Variants in BAZ1A observed in about 807,000 individuals in gnomAD.
The protein encoded by BAZ1A is bromodomain adjacent to zinc finger domain 1A, also known as bromodomain adjacent to zinc finger domain protein 1A.
Under a neutral mutation model 185.2 loss-of-function variants are expected in BAZ1A, and 50 were observed. The ratio of observed to expected loss-of-function variants is 0.27; its 90% CI spans 0.22 to 0.34. The LOEUF is 0.34. Ranked by LOEUF, BAZ1A falls within the 10% of genes least tolerant of loss-of-function variation. BAZ1A has a pLI of 1.00. For synonymous variants in BAZ1A, 571 were observed against 615.6 expected (o/e 0.93, Z 1.07); for missense variants, 1,356 against 1,839.9 (o/e 0.74, Z 4.81).
chr14:34,778,282 T>G (rs1879789196), intron 17 of BAZ1A, among the ~76,000 whole-genome samples: 1 of 152,166 alleles, frequency 6.6e-6, no homozygotes, highest in African/African-American at 2.4e-5. Context: ...AACATGAGAA[T>G]GGCAGCAAAA....
intron 3 of BAZ1A, among the ~76,000 whole-genome samples, chr14:34,858,511 T>G (rs2042718691): frequency 6.6e-6 from 1 of 152,034 alleles, no homozygotes; most frequent in African/African-American, 2.4e-5. Flanking sequence ...GATGGGGTTT[T>G]GCCATGTTGA....
chr14:34,795,844 G>A, intron 9 of BAZ1A, 79 bp from the exon 10 acceptor site: 1 of 1,087,770 alleles, frequency 9.2e-7, no homozygotes, highest in South Asian at 1.4e-5. Flanking sequence ...GAACTTGTTA[G>A]AAATGCAAAT....
In BAZ1A at chr14:34,851,261, A is replaced by G. The variant is rs1048361665; in HGVS notation, c.392+10783T>C. Among the ~76,000 whole-genome samples, 4 of 140,336 alleles carry G rather than the reference A, an allele frequency of 2.9e-5. No homozygotes were observed. In the East Asian group the frequency reaches 9.2e-4, roughly 32 times the overall value. The allele number at this position is 140,336 out of a possible 152,430, so 92.1% of individuals were successfully genotyped here. On this transcript the variant is annotated intron_variant, in intron 3 of 26. Coordinates refer to ENST00000360310, the MANE Select transcript of BAZ1A (RefSeq NM_013448.3). ...GGCACAATAATCGCTTAAACCCAGG[A>G]TATGGAGGTTGTGGTGAGCTGTGAT... is the stretch of plus-strand genomic sequence containing the variant.
At chr14:34,774,610 C>T (rs1428051920) in intron 18 of BAZ1A, 120 bp from the exon 19 acceptor site, 3 of 792,772 alleles carry the variant, frequency 3.8e-6, no homozygotes, top group African/African-American at 3.6e-5. Flanking sequence ...CCTCAAGTGC[C>T]ACAAATGAAT....
chr14:34,855,417 A>G (rs1489363699), intron 3 of BAZ1A, among the ~76,000 whole-genome samples: 2 of 152,168 alleles, frequency 1.3e-5, no homozygotes, highest in African/African-American at 4.8e-5. Context: ...TCAACCATAC[A>G]GCAGCACCAG....
intron 4 of BAZ1A, among the ~76,000 whole-genome samples, chr14:34,822,108 A>C (rs2042099005): frequency 6.6e-6 from 1 of 152,126 alleles, no homozygotes; most frequent in South Asian, 2.1e-4. Context: ...CAGCCTGTCC[A>C]ACATGGCAAA....
chr14:34,832,217 T>C (rs75071101), intron 3 of BAZ1A, among the ~76,000 whole-genome samples: 4,728 of 76,316 alleles, frequency 0.062, 352 homozygotes, highest in African/African-American at 0.17. Flanking sequence ...CACACACACA[T>C]ATATATATAT....
chr14:34,800,276 T>G lies in BAZ1A; in HGVS notation c.1076A>C (p.Glu359Ala). The G allele has an allele frequency of 6.9e-7, 1 of 1,450,282 alleles. No individual in the cohort carries two copies. The highest frequency in any genetic ancestry group is 1.3e-5 in the South Asian group (1 of 78,262). The allele number at this position is 1,450,282 out of a possible 1,614,324, so 89.8% of individuals were successfully genotyped here. ...REELKKIVEE[E>A]RLKKKEEKER... ...TTTTTCTTCTTTTTTCTTTAGTCTC[T>G]CTTCTTCAACAATTTTTTTCAATTC... Residue 359 changes from glutamate to alanine, a missense_variant, in exon 9 of 27, where the codon GAG becomes GCG. Transcript: ENST00000360310.
intron 2 of BAZ1A, among the ~76,000 whole-genome samples, chr14:34,871,789 T>C (rs1273475685): frequency 1.3e-5 from 2 of 152,186 alleles, no homozygotes; most frequent in Admixed American, 6.5e-5. Context: ...AGAGAATGCT[T>C]GAACCCGGGA....
At chr14:34,774,684 C>A (rs549150234) in intron 18 of BAZ1A, among the ~76,000 whole-genome samples, 194 bp from the exon 19 acceptor site, 1 of 152,218 alleles carries the variant, frequency 6.6e-6, no homozygotes, top group East Asian at 1.9e-4. Flanking sequence ...GAGGCTGAGG[C>A]AGGATTGCTT....
intron 4 of BAZ1A, among the ~76,000 whole-genome samples, chr14:34,825,749 C>A (rs1473720799): frequency 6.6e-6 from 1 of 151,954 alleles, no homozygotes; most frequent in Non-Finnish European, 1.5e-5. Flanking sequence ...ACCAGCCTGG[C>A]CAATATGGTG....
intron 17 of BAZ1A, among the ~76,000 whole-genome samples, chr14:34,779,776 T>C (rs2138597444): frequency 6.6e-6 from 1 of 152,328 alleles, no homozygotes; most frequent in Middle Eastern, 3.4e-3. Flanking sequence ...TTGATCTTTA[T>C]ATCTCTAGCA....
At chr14:34,861,907 C>T (rs1464440363) in intron 3 of BAZ1A, 137 bp downstream of exon 3, 8 of 968,968 alleles carry the variant, frequency 8.3e-6, no homozygotes, top group East Asian at 2.5e-5. Context: ...CAGCTAACAC[C>T]GGGGCTATCT....
intron 6 of BAZ1A, among the ~76,000 whole-genome samples, chr14:34,806,008 AT>A (rs957849032): frequency 4.1e-5 from 6 of 147,570 alleles, no homozygotes; most frequent in East Asian, 2.0e-4. Flanking sequence ...CATCCTTGGT[AT>A]TTTTTTTTCT....
intron 2 of BAZ1A, among the ~76,000 whole-genome samples, chr14:34,864,667 G>A (rs765097930): frequency 2.0e-5 from 3 of 149,134 alleles, no homozygotes; most frequent in Non-Finnish European, 4.4e-5. Context: ...TTTTAGTAGA[G>A]ACGGGGTTTC....
rs774051075 is a variant in BAZ1A at position 34,862,081 on chromosome 14, C to T, written c.355G>A (p.Glu119Lys). 9 of 1,614,108 alleles carry T rather than the reference C, an allele frequency of 5.6e-6. No homozygotes were observed. The highest frequency in any genetic ancestry group is 5.5e-5 in the South Asian group (5 of 91,082). The change falls in exon 3 of 27, where the codon GAA (glutamate) becomes AAA (lysine). Residue 119 changes from glutamate to lysine, a missense_variant. Coordinates refer to ENST00000360310, the MANE Select transcript of BAZ1A (RefSeq NM_013448.3). ...TTCCTAATGACTTCCACAGTTTCTT[C>T]GACAAAATATCGATCCTTGACATAT... ...FAYVKDRYFV[E>K]ETVEVIRNNG...
At chr14:34,872,417 C>T (rs1328160537) in intron 2 of BAZ1A, among the ~76,000 whole-genome samples, 2 of 151,914 alleles carry the variant, frequency 1.3e-5, no homozygotes, top group Non-Finnish European at 2.9e-5. Flanking sequence ...GGCAACACGA[C>T]GAAACCCCGT....
intron 21 of BAZ1A, among the ~76,000 whole-genome samples, chr14:34,766,708 G>C (rs1394950503): frequency 6.6e-6 from 1 of 152,202 alleles, no homozygotes; most frequent in Non-Finnish European, 1.5e-5. Context: ...TTTTAAAGTA[G>C]TCTAGGATTG....
intron 14 of BAZ1A, among the ~76,000 whole-genome samples, chr14:34,784,529 T>G (rs1419771554): frequency 3.3e-5 from 5 of 152,036 alleles, no homozygotes; most frequent in Non-Finnish European, 7.4e-5. Flanking sequence ...TTTGTTTTTG[T>G]TTTTTTGAGA....
Sources: gnomAD v4.1 joint callset for allele counts (sites outside exome capture counted in the v4.1 genomes callset) on GRCh38, gnomAD v4.1.1 for gene constraint, MANE v1.5 for transcripts, NCBI Gene and HGNC (gene_info 2026-07-23, HGNC 2026-07-21) for gene names.